EHD3: variants seen among roughly 807,000 people sequenced by gnomAD.
EHD3 encodes the protein EH domain containing 3.
A neutral mutation model predicts 43.0 loss-of-function variants in EHD3; 17 were observed. The ratio of observed to expected loss-of-function variants is 0.40; its 90% confidence interval spans 0.27 to 0.59. EHD3 has a LOEUF of 0.59. Among genes scored for constraint, EHD3 ranks in the 20% least tolerant of loss-of-function variants. The pLI, the probability that EHD3 is intolerant of heterozygous loss-of-function variation, is 0.49. For synonymous variants in EHD3, 313 were observed against 289.5 expected, an observed-to-expected ratio of 1.08 and a Z score of -0.82; for missense variants, 594 against 705.6, an observed-to-expected ratio of 0.84 and a Z score of 1.79.
chr2:31,234,569 C>T lies in EHD3; in HGVS notation c.-53C>T. ...GACCGGTCCTACGGGACATCTTCCC[C>T]TGAGGAGGAGTCTTCCCCTGGGGCT... On this transcript the variant is annotated 5_prime_UTR_variant, in exon 1 of 6. Coordinates refer to ENST00000322054, the MANE Select transcript of EHD3 (RefSeq NM_014600.3). 2 of 1,597,380 alleles carry T rather than the reference C, an allele frequency of 1.3e-6. No individual in the cohort carries two copies. Among genetic ancestry groups the T allele is most frequent in the Non-Finnish European group, 1.7e-6 (2 of 1,170,264 alleles).
chr2:31,243,266 A>G (rs1412958413), intron 1 of EHD3, among the ~76,000 whole-genome samples: 1 of 152,128 alleles, frequency 6.6e-6, no homozygotes, highest in African/African-American at 2.4e-5. Context: ...CGACGGAATG[A>G]CACTCCATGT....
Position 31,266,925 on chromosome 2 carries a change from T to C in EHD3, c.*221T>C. 1.7e-6 allele frequency: 1 copy of C among 579,888 alleles called. No individual in the cohort carries two copies. Among genetic ancestry groups the C allele is most frequent in the East Asian group, 2.9e-5 (1 of 33,930 alleles). The allele number at this position is 579,888 out of a possible 1,614,324, so 35.9% of individuals were successfully genotyped here. ...CTCGGGATTAGAAGGACAAGAGCACTCCCAGGCCCCAGAGTCTAAGCCTAA... is the reference window on the plus strand; with the variant it reads ...CTCGGGATTAGAAGGACAAGAGCACCCCCAGGCCCCAGAGTCTAAGCCTAA... On this transcript the variant is annotated 3_prime_UTR_variant, in exon 6 of 6. Transcript: ENST00000322054. This position sits in a 1 kb window ranked among gnomAD's most constrained non-coding sequence, Gnocchi z 5.1.
intron 2 of EHD3, among the ~76,000 whole-genome samples, chr2:31,247,451 C>G (rs1683549471): frequency 6.6e-6 from 1 of 152,176 alleles, no homozygotes; most frequent in Non-Finnish European, 1.5e-5. Context: ...GAATCTCTCT[C>G]TAAATCTGTG....
At chr2:31,249,155 G>A (rs990023052) in intron 2 of EHD3, among the ~76,000 whole-genome samples, 5 of 152,174 alleles carry the variant, frequency 3.3e-5, no homozygotes, top group South Asian at 2.1e-4. Flanking sequence ...GGTGCAGGGC[G>A]CTCTTAACAC....
intron 3 of EHD3, among the ~76,000 whole-genome samples, chr2:31,256,902 C>T (rs369068710): frequency 2.6e-5 from 4 of 152,250 alleles, no homozygotes; most frequent in Admixed American, 2.0e-4. Context: ...TTCTCTCACC[C>T]TCTATAAACC....
At chr2:31,245,722 C>A (rs1201473473) in intron 2 of EHD3, among the ~76,000 whole-genome samples, 1 of 145,320 alleles carries the variant, frequency 6.9e-6, no homozygotes, top group Non-Finnish European at 1.5e-5. Context: ...CCACCACGCC[C>A]GACTAATTTT....
chr2:31,235,859 T>C (rs535843526), intron 1 of EHD3, among the ~76,000 whole-genome samples: 1 of 152,352 alleles, frequency 6.6e-6, no homozygotes, highest in African/African-American at 2.4e-5. Flanking sequence ...CCAGCCATTT[T>C]CTTGGCCCCT....
At chr2:31,253,991 A>C (rs1240404064) in intron 3 of EHD3, among the ~76,000 whole-genome samples, 1 of 152,048 alleles carries the variant, frequency 6.6e-6, no homozygotes, top group African/African-American at 2.4e-5. Flanking sequence ...CCAGCTAGAA[A>C]TCCCCATAGG....
intron 1 of EHD3, among the ~76,000 whole-genome samples, chr2:31,237,262 G>C (rs1683340720): frequency 6.6e-6 from 1 of 150,420 alleles, no homozygotes; most frequent in South Asian, 2.1e-4. Context: ...CATGACTTAG[G>C]AGAAGCTATT....
At chr2:31,245,735 G>GTTTTTTTTT (rs765195110) in intron 2 of EHD3, among the ~76,000 whole-genome samples, 2 of 68,318 alleles carry the variant, frequency 2.9e-5, no homozygotes, top group African/African-American at 5.9e-5. Context: ...CTAATTTTGT[G>GTTTTTTTTT]TTTTTTTTTT....
chr2:31,235,394 G>A (rs1683305031), intron 1 of EHD3, among the ~76,000 whole-genome samples: 1 of 152,096 alleles, frequency 6.6e-6, no homozygotes, highest in Non-Finnish European at 1.5e-5. Flanking sequence ...CTAAAGCAGA[G>A]CTCCTGTGTA....
Position 31,244,420 on chromosome 2 carries a change from T to TCAACGCCTTTGG in EHD3, c.384_395dup (p.Gly129_Phe132dup), listed in dbSNP as rs919804865. 5 of 1,614,002 alleles carry TCAACGCCTTTGG rather than the reference T, an allele frequency of 3.1e-6. No individual in the cohort carries two copies. In the African/African-American group the frequency reaches 6.7e-5, roughly 22 times the overall value. ...GATCCCAAGAAACCCTTCAGGAAACTCAACGCCTTTGGCAACGCCTTCTTG... is the reference window on the plus strand; with the variant it reads ...GATCCCAAGAAACCCTTCAGGAAACTCAACGCCTTTGGCAACGCCTTTGGCAACGCCTTCTTG... On this transcript the variant is annotated inframe_insertion, in exon 2 of 6. Coordinates refer to ENST00000322054, the MANE Select transcript of EHD3 (RefSeq NM_014600.3).
Position 31,249,385 on chromosome 2 carries a change from A to C in EHD3, c.419A>C (p.Gln140Pro), listed in dbSNP as rs759442591. 3 of 1,614,158 alleles carry C rather than the reference A, an allele frequency of 1.9e-6. No individual in the cohort carries two copies. Among genetic ancestry groups the C allele is most frequent in the Non-Finnish European group, 2.5e-6 (3 of 1,179,996 alleles). The change falls in exon 3 of 6, where the codon CAG becomes CCG. Residue 140 changes from glutamine to proline, a missense_variant. Gln to Pro is a moderately conservative substitution (Grantham distance 76). This residue lies in a region of EHD3 where 243 missense variants were observed against 296.7 expected (regional missense o/e 0.82). Transcript: ENST00000322054. Reference protein sequence around the residue: ...NAFLNRFVCAQLPNPVLESIS... With the variant: ...NAFLNRFVCAPLPNPVLESIS... ...TGCCCATGCAGGTTCGTGTGTGCCCAGCTACCTAACCCTGTGCTGGAGAGC... is the reference window on the plus strand; with the variant it reads ...TGCCCATGCAGGTTCGTGTGTGCCCCGCTACCTAACCCTGTGCTGGAGAGC...
At chr2:31,242,851 TCGGGAGG>T (rs2148716437) in intron 1 of EHD3, among the ~76,000 whole-genome samples, 1 of 152,072 alleles carries the variant, frequency 6.6e-6, no homozygotes, top group South Asian at 2.1e-4. Context: ...TCCCAGCTAC[TCGGGAGG>T]CTGAGGCAGA....
intron 1 of EHD3, among the ~76,000 whole-genome samples, chr2:31,238,725 G>A (rs146202354): frequency 3.3e-4 from 50 of 152,246 alleles, no homozygotes; most frequent in African/African-American, 1.2e-3. Context: ...ACTCCTTCTC[G>A]CTGCCTACTT....
chr2:31,234,445 G>T lies in EHD3; in HGVS notation c.-177G>T. On this transcript the variant is annotated 5_prime_UTR_variant, in exon 1 of 6. The change creates a new upstream start codon in the 5' untranslated region. Transcript: ENST00000322054. ...GCGGCTGGGCTTGGTCCCAGGAGCAGGGAGAGTGCGCTCCCGGCCCTCCTA... is the reference window on the plus strand; with the variant it reads ...GCGGCTGGGCTTGGTCCCAGGAGCATGGAGAGTGCGCTCCCGGCCCTCCTA... 1 of 648,666 alleles carries T rather than the reference G, an allele frequency of 1.5e-6. No homozygotes were observed. Among genetic ancestry groups the T allele is most frequent in the Non-Finnish European group, 2.6e-6 (1 of 382,176 alleles). The allele number at this position is 648,666 out of a possible 1,614,324, so 40.2% of individuals were successfully genotyped here. A position where few individuals can be genotyped will look rare whatever the true frequency, so the allele number is the denominator to read the frequency against.
chr2:31,242,229 C>A (rs752681523), intron 1 of EHD3, among the ~76,000 whole-genome samples: 7 of 152,238 alleles, frequency 4.6e-5, no homozygotes, highest in Non-Finnish European at 7.3e-5. Context: ...CCCTGGCCAC[C>A]ACCCCTCTGT....
At chr2:31,243,743 C>T (rs759834362) in intron 1 of EHD3, among the ~76,000 whole-genome samples, 12 of 152,060 alleles carry the variant, frequency 7.9e-5, no homozygotes, top group South Asian at 2.1e-4. Flanking sequence ...CGTGAGCCAC[C>T]GCGCCTGGCC....
rs150732814 is a variant in EHD3, at chr2:31,263,627, C to T, written c.1080+1914C>T. On this transcript the variant is annotated intron_variant, in intron 5 of 5. Transcript: ENST00000322054. ...GGTGGGAGATAGGGCCCTGTCTGCT[C>T]CTCCTCCAGGAGTCCTTCAGCCCTA... Among the ~76,000 whole-genome samples the T allele has an allele frequency of 2.2e-3, 338 of 152,260 alleles. 3 individuals are homozygous for T. The highest frequency in any genetic ancestry group is 7.8e-3 in the African/African-American group (322 of 41,548).
Sources: allele counts gnomAD v4.1 joint callset (sites outside exome capture counted in the v4.1 genomes callset), GRCh38; gene constraint gnomAD v4.1.1; regional missense constraint gnomAD v4.1.1; non-coding constraint Gnocchi (gnomAD v3.1); transcripts MANE v1.5; gene names NCBI Gene and HGNC (gene_info 2026-07-23, HGNC 2026-07-21).